Variants in ZNF316 observed in about 807,000 individuals in gnomAD.
ZNF316 encodes zinc finger protein 316.
Under a neutral mutation model 75.6 loss-of-function variants are expected in ZNF316, and 23 were observed. That is an observed-to-expected ratio of 0.30 (90% CI 0.22 to 0.43). The LOEUF (loss-of-function observed/expected upper bound fraction) is 0.43, where lower values mean the gene tolerates loss of function less well. ZNF316 is among the 20% of genes least tolerant of loss of function. ZNF316 has a pLI of 1.00. For missense variants in ZNF316, 1,266 were observed against 1,409.4 expected, an observed-to-expected ratio of 0.90 and a Z score of 1.63; for synonymous variants, 827 against 666.2, an observed-to-expected ratio of 1.24 and a Z score of -3.72.
intron 6 of ZNF316, 61 bp downstream of exon 6, chr7:6,643,134 G>A (rs750772347): frequency 1.5e-4 from 181 of 1,231,190 alleles, no homozygotes; most frequent in Non-Finnish European, 1.8e-4. Flanking sequence ...CCGGGGCCTC[G>A]GCACCTGCTG....
At position 6,654,350 on chromosome 7, in the gene ZNF316, C is replaced by T. The variant is rs1461823540; in HGVS notation, c.2754C>T (p.Ala918=). The change falls in exon 9 of 9, where the codon GCC becomes GCT. Residue 918 remains alanine, a synonymous_variant. Transcript: ENST00000382252. The stretch of plus-strand genomic sequence containing the variant: ...CGGGCGAGCGGCCCTACGCCTGCGC[C>T]AACTGCGGCCGCCGCTTCTCGCAGA... ...THTGERPYAC[A]NCGRRFSQSS... The T allele has an allele frequency of 1.6e-6, 2 of 1,220,920 alleles. No individual in the cohort carries two copies. Among genetic ancestry groups the T allele is most frequent in the East Asian group, 6.5e-5 (2 of 30,592 alleles). The allele number at this position is 1,220,920 out of a possible 1,614,324, so 75.6% of individuals were successfully genotyped here. A position where few individuals can be genotyped will look rare whatever the true frequency, so the allele number is the denominator to read the frequency against.
chr7:6,652,350 G>A lies in ZNF316; in HGVS notation c.754G>A (p.Asp252Asn), dbSNP rs1288769716. Reference protein sequence around the residue: ...DDIEDHEEEDDEDFLAEVAEE... With the variant: ...DDIEDHEEEDNEDFLAEVAEE... ...CATAGAGGACCACGAGGAGGAAGAC[G>A]ACGAGGACTTCCTGGCGGAGGTGGC... The change falls in exon 9 of 9, where the codon GAC (aspartate) becomes AAC (asparagine). Residue 252 changes from aspartate to asparagine, a missense_variant. This residue lies in a region of ZNF316 where 961 missense variants were observed against 990.9 expected (regional missense o/e 0.97). Transcript: ENST00000382252. The A allele has an allele frequency of 1.6e-6, 2 of 1,232,276 alleles. No individual in the cohort carries two copies. Among genetic ancestry groups the A allele is most frequent in the Non-Finnish European group, 2.0e-6 (2 of 988,118 alleles). The allele number at this position is 1,232,276 out of a possible 1,614,324, so 76.3% of individuals were successfully genotyped here.
chr7:6,647,225 C>T (rs1359095597), intron 8 of ZNF316, among the ~76,000 whole-genome samples: 1 of 152,096 alleles, frequency 6.6e-6, no homozygotes, highest in African/African-American at 2.4e-5. Context: ...CAGTGAGGGG[C>T]AGGCCCAGTG....
chr7:6,644,133 C>T (rs1779357744), intron 7 of ZNF316, among the ~76,000 whole-genome samples, 185 bp downstream of exon 7: 1 of 152,170 alleles, frequency 6.6e-6, no homozygotes, highest in Non-Finnish European at 1.5e-5. Context: ...TGTCACTGGC[C>T]AGGCAGCACC....
Position 6,639,719 on chromosome 7 carries a change from G to C in ZNF316, c.-167+578G>C, listed in dbSNP as rs1375527808. On this transcript the variant is annotated intron_variant, in intron 3 of 8. Coordinates refer to ENST00000382252, the MANE Select transcript of ZNF316 (RefSeq NM_001278559.2). The surrounding 1 kb of genome is among the most constrained non-coding windows in gnomAD (Gnocchi z 4.2). ...TTGGCATGGCACCTAGGCCCAGCCT[G>C]AATCTGCGGCCTGAGGCTTGAAAGA... is the stretch of plus-strand genomic sequence containing the variant. 2.0e-5 allele frequency among the ~76,000 whole-genome samples: 3 copies of C among 152,198 alleles called. No individual in the cohort carries two copies. The highest frequency in any genetic ancestry group is 7.2e-5 in the African/African-American group (3 of 41,454).
rs981187377 is a variant in ZNF316, at chr7:6,653,157, C to A, written c.1561C>A (p.Pro521Thr). Residue 521 changes from proline to threonine, a missense_variant, in exon 9 of 9, where the codon CCC becomes ACC. By Grantham distance (38) the Pro-to-Thr change is conservative. Around this residue, in one of 3 missense-constraint regions of ZNF316, gnomAD observed 961 missense variants for 990.9 expected, o/e 0.97. Coordinates refer to ENST00000382252, the MANE Select transcript of ZNF316 (RefSeq NM_001278559.2). ...EAGGDGPRRE[P>T]GETAAAAGPE... ...GGGTGGTGACGGCCCCCGGCGGGAGCCCGGCGAGACGGCGGCCGCCGCGGG... is the reference window on the plus strand; with the variant it reads ...GGGTGGTGACGGCCCCCGGCGGGAGACCGGCGAGACGGCGGCCGCCGCGGG... 2.5e-5 allele frequency: 30 copies of A among 1,188,258 alleles called. No individual in the cohort carries two copies. Among genetic ancestry groups the A allele is most frequent in the African/African-American group, 4.8e-5 (3 of 62,314 alleles). 73.6% of individuals were successfully genotyped at this position (1,188,258 alleles called of 1,614,324 possible). A position where few individuals can be genotyped will look rare whatever the true frequency, so the allele number is the denominator to read the frequency against.
Position 6,642,456 on chromosome 7 carries a change from A to G in ZNF316, c.47A>G (p.Glu16Gly). The G allele has an allele frequency of 1.6e-6, 2 of 1,232,448 alleles. No individual in the cohort carries two copies. Among genetic ancestry groups the G allele is most frequent in the Non-Finnish European group, 2.0e-6 (2 of 988,138 alleles). 76.3% of individuals were successfully genotyped at this position (1,232,448 alleles called of 1,614,324 possible). The change falls in exon 5 of 9, where the codon GAG (glutamate) becomes GGG (glycine). Residue 16 changes from glutamate to glycine, a missense_variant. By Grantham distance (98) the Glu-to-Gly change is moderately conservative. This residue lies in a region of ZNF316 where 961 missense variants were observed against 990.9 expected (regional missense o/e 0.97). Transcript: ENST00000382252. This position sits in a 1 kb window ranked among gnomAD's most constrained non-coding sequence, Gnocchi z 8.1. ...TTPDSPAAQLERAEDGSECDP... is the reference protein window; with the variant it reads ...TTPDSPAAQLGRAEDGSECDP... Reference sequence around the variant, plus strand: ...CCCGACTCCCCAGCTGCCCAGCTGGAGCGGGCAGAGGACGGGTCAGAGTGC... The same window carrying G: ...CCCGACTCCCCAGCTGCCCAGCTGGGGCGGGCAGAGGACGGGTCAGAGTGC...
rs1346409237 is a variant in ZNF316, at chr7:6,642,423, A to C, written c.14A>C (p.His5Pro). The C allele has an allele frequency of 8.1e-7, 1 of 1,232,010 alleles. No individual in the cohort carries two copies. The highest frequency in any genetic ancestry group is 1.0e-6 in the Non-Finnish European group (1 of 988,064). The allele number at this position is 1,232,010 out of a possible 1,614,324, so 76.3% of individuals were successfully genotyped here. MAAL[H>P]TTPDSPAAQL... ...CTCCCAGGGAGGATGGCGGCGCTCC[A>C]CACGACTCCCGACTCCCCAGCTGCC... The change falls in exon 5 of 9, where the codon CAC (histidine) becomes CCC (proline). Residue 5 changes from histidine (H) to proline (P), a missense_variant. His to Pro is a moderately conservative substitution (Grantham distance 77). Transcript: ENST00000382252. This position sits in a 1 kb window ranked among gnomAD's most constrained non-coding sequence, Gnocchi z 8.1.
At position 6,655,834 on chromosome 7, in the gene ZNF316, C is replaced by G. The variant is rs1037200990; in HGVS notation, c.*1223C>G. On this transcript the variant is annotated 3_prime_UTR_variant, in exon 9 of 9. Transcript: ENST00000382252. ...GCTCAGTGACAAACCAGGCACCCAACTATGCAAGGCCCCTGCCTGGTGGGC... is the reference window on the plus strand; with the variant it reads ...GCTCAGTGACAAACCAGGCACCCAAGTATGCAAGGCCCCTGCCTGGTGGGC... The G allele has an allele frequency of 6.6e-6, 1 of 152,256 alleles. No individual in the cohort carries two copies. Among genetic ancestry groups the G allele is most frequent in the African/African-American group, 2.4e-5 (1 of 41,444 alleles). 9.4% of individuals were successfully genotyped at this position (152,256 alleles called of 1,614,324 possible). A position where few individuals can be genotyped will look rare whatever the true frequency, so the allele number is the denominator to read the frequency against.
intron 8 of ZNF316, among the ~76,000 whole-genome samples, chr7:6,647,152 T>G (rs1350078034): frequency 6.6e-6 from 1 of 152,090 alleles, no homozygotes; most frequent in East Asian, 1.9e-4. Context: ...GGGACTGTCT[T>G]TCCACCCTCC....
chr7:6,644,521 C>A lies in ZNF316; in HGVS notation c.634C>A (p.Gln212Lys), dbSNP rs1779366714. 6 of 1,232,288 alleles carry A rather than the reference C, an allele frequency of 4.9e-6. No homozygotes were observed. The highest frequency in any genetic ancestry group is 6.1e-6 in the Non-Finnish European group (6 of 988,014). The allele number at this position is 1,232,288 out of a possible 1,614,324, so 76.3% of individuals were successfully genotyped here. ...GCCCGATCTGATCTTCCGGCTGGAA[C>A]AAGGGGAAGAACCTTGGGTCCCAGA... is the stretch of plus-strand genomic sequence containing the variant. ...PKPDLIFRLE[Q>K]GEEPWVPDSP... The change falls in exon 8 of 9, where the codon CAA (glutamine) becomes AAA (lysine). Residue 212 changes from glutamine (Q) to lysine (K), a missense_variant. By Grantham distance (53) the Gln-to-Lys change is moderately conservative (BLOSUM62 1). This residue lies in a region of ZNF316 where 961 missense variants were observed against 990.9 expected (regional missense o/e 0.97). Coordinates refer to ENST00000382252, the MANE Select transcript of ZNF316 (RefSeq NM_001278559.2).
At position 6,657,707 on chromosome 7, in the gene ZNF316, T is replaced by C. The variant is rs1779651827; in HGVS notation, c.*3096T>C. Among the ~76,000 whole-genome samples, 4 of 151,500 alleles carry C rather than the reference T, an allele frequency of 2.6e-5. No individual in the cohort carries two copies. The South Asian group carries it at 8.4e-4, about 32-fold the overall frequency. On this transcript the variant is annotated 3_prime_UTR_variant, in exon 9 of 9. Transcript: ENST00000382252. ...ATAAAAAATACAAAAATTAGCTGGGTGTGGTGGCGCACGTCTATAGTCCCA... is the reference window on the plus strand; with the variant it reads ...ATAAAAAATACAAAAATTAGCTGGGCGTGGTGGCGCACGTCTATAGTCCCA...
chr7:6,656,139 T>G lies in ZNF316; in HGVS notation c.*1528T>G, dbSNP rs1319470610. On this transcript the variant is annotated 3_prime_UTR_variant, in exon 9 of 9. Coordinates refer to ENST00000382252, the MANE Select transcript of ZNF316 (RefSeq NM_001278559.2). ...AGAGGGCCTGGGTGGTGGCGGTCAG[T>G]TAGCCTGGCTGGGTGAGGTTGGTGA... is the stretch of plus-strand genomic sequence containing the variant. The G allele has an allele frequency of 6.6e-6, 1 of 152,388 alleles. No individual in the cohort carries two copies. The highest frequency in any genetic ancestry group is 1.5e-5 in the Non-Finnish European group (1 of 68,238). 9.4% of individuals were successfully genotyped at this position (152,388 alleles called of 1,614,324 possible). A position where few individuals can be genotyped will look rare whatever the true frequency, so the allele number is the denominator to read the frequency against.
rs930866901 is a variant in ZNF316 at position 6,639,019 on chromosome 7, G to A, written c.-266-23G>A. ...GAATCTTGGGTTGGGGACGATGTCTGGCTGTGCTTCTGACCTCTGTAGGAG... is the reference window on the plus strand; with the variant it reads ...GAATCTTGGGTTGGGGACGATGTCTAGCTGTGCTTCTGACCTCTGTAGGAG... On this transcript the variant is annotated intron_variant, in intron 2 of 8. Transcript: ENST00000382252. The surrounding 1 kb of genome is among the most constrained non-coding windows in gnomAD (Gnocchi z 4.2). 1 of 152,298 alleles carries A rather than the reference G, an allele frequency of 6.6e-6. No individual in the cohort carries two copies. The highest frequency in any genetic ancestry group is 1.5e-5 in the Non-Finnish European group (1 of 68,102). 9.4% of individuals were successfully genotyped at this position (152,298 alleles called of 1,614,324 possible).
At chr7:6,638,252 G>C (rs1006564245) in intron 2 of ZNF316, among the ~76,000 whole-genome samples, 2 of 151,810 alleles carry the variant, frequency 1.3e-5, no homozygotes, top group East Asian at 3.9e-4. Context: ...TGGGGAACCT[G>C]AGATGGCCCC....
chr7:6,652,880 C>A lies in ZNF316; in HGVS notation c.1284C>A (p.Pro428=). 8.0e-7 allele frequency: 1 copy of A among 1,242,726 alleles called. No homozygotes were observed. The highest frequency in any genetic ancestry group is 1.0e-6 in the Non-Finnish European group (1 of 992,726). 77.0% of individuals were successfully genotyped at this position (1,242,726 alleles called of 1,614,324 possible). The change falls in exon 9 of 9, where the codon CCC becomes CCA. Residue 428 remains proline (P), a synonymous_variant. Transcript: ENST00000382252. ...GACGCATCCATACTGGCGAGCGGCCCTACCGCTGCGCCTTCTGCGGCGCGG... is the reference window on the plus strand; with the variant it reads ...GACGCATCCATACTGGCGAGCGGCCATACCGCTGCGCCTTCTGCGGCGCGG... ...THRRIHTGER[P]YRCAFCGAGF...
rs1380607866 is a variant in ZNF316, at chr7:6,642,464, G to C, written c.55G>C (p.Glu19Gln). ...CCCAGCTGCCCAGCTGGAGCGGGCAGAGGACGGGTCAGAGTGCGACCCTGA... is the reference window on the plus strand; with the variant it reads ...CCCAGCTGCCCAGCTGGAGCGGGCACAGGACGGGTCAGAGTGCGACCCTGA... ...DSPAAQLERA[E>Q]DGSECDPDQE... The change falls in exon 5 of 9, where the codon GAG (glutamate) becomes CAG (glutamine). Residue 19 changes from glutamate to glutamine, a missense_variant. By Grantham distance (29) the Glu-to-Gln change is conservative. Transcript: ENST00000382252. The surrounding 1 kb of genome is among the most constrained non-coding windows in gnomAD (Gnocchi z 8.1). The C allele has an allele frequency of 3.2e-6, 4 of 1,232,670 alleles. No individual in the cohort carries two copies. The highest frequency in any genetic ancestry group is 4.0e-6 in the Non-Finnish European group (4 of 988,258). The allele number at this position is 1,232,670 out of a possible 1,614,324, so 76.4% of individuals were successfully genotyped here.
At position 6,642,268 on chromosome 7, in the gene ZNF316, A is replaced by T. The variant is rs1197800826; in HGVS notation, c.-28-114A>T. 2.3e-6 allele frequency: 1 copy of T among 441,408 alleles called. No individual in the cohort carries two copies. The highest frequency in any genetic ancestry group is 2.0e-5 in the African/African-American group (1 of 49,374). The allele number at this position is 441,408 out of a possible 1,614,324, so 27.3% of individuals were successfully genotyped here. On this transcript the variant is annotated intron_variant, in intron 4 of 8. Transcript: ENST00000382252. This position sits in a 1 kb window ranked among gnomAD's most constrained non-coding sequence, Gnocchi z 8.1. ...TCATCTCCATTGCCTTCAACTACAT[A>T]ACAGGAGGAGTAAATCCTGCTCCCT...
intron 2 of ZNF316, among the ~76,000 whole-genome samples, chr7:6,638,607 G>C (rs1348879658): frequency 6.6e-6 from 1 of 152,094 alleles, no homozygotes; most frequent in Non-Finnish European, 1.5e-5. Context: ...GTTGGCTGCA[G>C]CACCGTATCC....
Sources: allele counts gnomAD v4.1 joint callset (sites outside exome capture counted in the v4.1 genomes callset), GRCh38; gene constraint gnomAD v4.1.1; regional missense constraint gnomAD v4.1.1; non-coding constraint Gnocchi (gnomAD v3.1); transcripts MANE v1.5; gene names NCBI Gene and HGNC (gene_info 2026-07-23, HGNC 2026-07-21).